FGD3: variants seen among roughly 807,000 people sequenced by gnomAD.
FGD3 encodes the protein FYVE, RhoGEF and PH domain containing 3.
In FGD3, 45 loss-of-function variants were observed where a neutral mutation model predicts 71.8. That is an observed-to-expected ratio of 0.63 (90% CI 0.49 to 0.80). The LOEUF is 0.80. Ranked by LOEUF, FGD3 falls within the 30% of genes least tolerant of loss-of-function variation. The pLI is 0.00. For missense variants in FGD3, 844 were observed against 951.5 expected (o/e 0.89, Z 1.49); for synonymous variants, 378 against 392.8 (o/e 0.96, Z 0.44).
intron 10 of FGD3, among the ~76,000 whole-genome samples, chr9:93,016,080 G>T (rs763556543): frequency 2.6e-5 from 4 of 152,172 alleles, no homozygotes; most frequent in Non-Finnish European, 5.9e-5. Flanking sequence ...CCTTTCTGCA[G>T]AGCCTTGGAG....
intron 11 of FGD3, among the ~76,000 whole-genome samples, chr9:93,019,173 T>C (rs369132178): frequency 4.4e-4 from 67 of 152,320 alleles, no homozygotes; most frequent in African/African-American, 1.6e-3. Flanking sequence ...TCTATGCACA[T>C]GCACATATAT....
chr9:93,028,646 A>G (rs1325396229), intron 14 of FGD3, among the ~76,000 whole-genome samples: 1 of 152,212 alleles, frequency 6.6e-6, no homozygotes, highest in Admixed American at 6.5e-5. Flanking sequence ...GGAAACGGTA[A>G]TTAGCAACTT....
chr9:92,982,813 C>T (rs369888618), intron 3 of FGD3, among the ~76,000 whole-genome samples: 125 of 152,238 alleles, frequency 8.2e-4, no homozygotes, highest in African/African-American at 2.7e-3. Flanking sequence ...TGGCCAGGGA[C>T]GGTGGCTCAT....
intron 3 of FGD3, among the ~76,000 whole-genome samples, chr9:92,999,237 T>C (rs1231429925): frequency 6.6e-6 from 1 of 152,182 alleles, no homozygotes; most frequent in African/African-American, 2.4e-5. Flanking sequence ...GTGCAAGCAG[T>C]GAGCAAGGCT....
intron 1 of FGD3, among the ~76,000 whole-genome samples, chr9:92,948,767 T>C (rs1215369391): frequency 1.3e-5 from 2 of 152,234 alleles, no homozygotes; most frequent in Non-Finnish European, 2.9e-5. Flanking sequence ...CTGGCCACTG[T>C]CCATAGCTCT....
chr9:92,991,117 C>G (rs1860393099), intron 3 of FGD3, among the ~76,000 whole-genome samples: 1 of 152,068 alleles, frequency 6.6e-6, no homozygotes, highest in Non-Finnish European at 1.5e-5. Flanking sequence ...CTCACCCTGT[C>G]ACCCAGGCTG....
chr9:92,970,998 C>T (rs766392036), intron 1 of FGD3, among the ~76,000 whole-genome samples: 2 of 152,174 alleles, frequency 1.3e-5, no homozygotes, highest in African/African-American at 2.4e-5. Flanking sequence ...TTTAAAACAA[C>T]GCATACTCTG....
chr9:92,971,729 C>T (rs934158760), intron 1 of FGD3, among the ~76,000 whole-genome samples: 18 of 151,570 alleles, frequency 1.2e-4, no homozygotes, highest in Non-Finnish European at 7.4e-5. Context: ...GAGCCCACCA[C>T]CACACCTGGC....
rs530265062 is a variant in FGD3, at chr9:93,022,621, G to C, written c.1557+232G>C. On this transcript the variant is annotated intron_variant, in intron 14 of 17. Coordinates refer to ENST00000375482, the MANE Select transcript of FGD3 (RefSeq NM_001083536.2). Reference sequence around the variant, plus strand: ...TTGTGTGGTCACTGCAGGGGACTCTGTAAGGTGGGCACGCAGAGGCCTGTC... The same window carrying C: ...TTGTGTGGTCACTGCAGGGGACTCTCTAAGGTGGGCACGCAGAGGCCTGTC... 2.6e-5 allele frequency among the ~76,000 whole-genome samples: 4 copies of C among 152,264 alleles called. No homozygotes were observed. In the East Asian group the frequency reaches 7.7e-4, roughly 29 times the overall value.
intron 14 of FGD3, among the ~76,000 whole-genome samples, chr9:93,026,393 C>G (rs943293619): frequency 2.0e-5 from 3 of 152,230 alleles, no homozygotes; most frequent in Non-Finnish European, 1.5e-5. Flanking sequence ...TGTGCATGGC[C>G]GAGAGAGCAT....
Position 93,014,041 on chromosome 9 carries a change from C to A in FGD3, c.1182+43C>A, listed in dbSNP as rs550343913. The A allele has an allele frequency of 5.1e-6, 8 of 1,571,674 alleles. No individual in the cohort carries two copies. In the South Asian group the frequency reaches 9.4e-5, roughly 18 times the overall value. On this transcript the variant is annotated intron_variant, in intron 9 of 17. Transcript: ENST00000375482. ...CAGCCCAGCCGCAGAGCCTCCCTTG[C>A]CATTTGCCTCAAGCCCAGGGCAGTG...
chr9:92,952,765 C>T (rs1450736376), intron 1 of FGD3, among the ~76,000 whole-genome samples: 1 of 151,636 alleles, frequency 6.6e-6, no homozygotes, highest in African/African-American at 2.4e-5. Flanking sequence ...CTCCTTCCTT[C>T]ATTCTTTCCC....
intron 1 of FGD3, among the ~76,000 whole-genome samples, chr9:92,954,981 T>C (rs1045035089): frequency 2.6e-5 from 4 of 152,256 alleles, no homozygotes; most frequent in Admixed American, 2.6e-4. Flanking sequence ...GTGATGGCGA[T>C]ATGGTGTCTA....
chr9:93,024,928 C>T (rs28715500), intron 14 of FGD3, among the ~76,000 whole-genome samples: 26,274 of 152,272 alleles, frequency 0.17, 2,304 homozygotes, highest in Non-Finnish European at 0.18. Flanking sequence ...GCAAATGCCG[C>T]CTCTTGAGCC....
At chr9:93,002,826 C>A (rs964717353) in intron 3 of FGD3, 99 bp from the exon 4 acceptor site, 2 of 1,201,378 alleles carry the variant, frequency 1.7e-6, no homozygotes, top group Admixed American at 1.8e-5. Flanking sequence ...CCTGCCACCC[C>A]TGTGGCCCCT....
chr9:93,019,178 A>T (rs940147730), intron 11 of FGD3, among the ~76,000 whole-genome samples: 23 of 152,284 alleles, frequency 1.5e-4, no homozygotes, highest in African/African-American at 4.8e-4. Flanking sequence ...GCACATGCAC[A>T]TATATCTATG....
chr9:93,033,915 C>T (rs1297283799), intron 16 of FGD3: 1 of 152,324 alleles, frequency 6.6e-6, no homozygotes, highest in African/African-American at 2.4e-5. Flanking sequence ...TGAAGAAGGA[C>T]CTTGCACTGC....
At chr9:92,987,879 C>T (rs1163479419) in intron 3 of FGD3, among the ~76,000 whole-genome samples, 2 of 152,202 alleles carry the variant, frequency 1.3e-5, no homozygotes, top group East Asian at 1.9e-4. Flanking sequence ...TGCATGAGTC[C>T]ATTTATCCAA....
rs1476854957 is a variant in FGD3 at position 93,002,997 on chromosome 9, C to G, written c.526C>G (p.Leu176Val). Residue 176 changes from leucine (L) to valine (V), a missense_variant, in exon 4 of 18, where the codon CTG becomes GTG. Coordinates refer to ENST00000375482, the MANE Select transcript of FGD3 (RefSeq NM_001083536.2). ...LHTEETYVKR[L>V]HLLDQVFCTR... is the part of the protein sequence containing the mutation. ...CACCGAGGAGACCTATGTGAAGCGG[C>G]TGCACCTGCTGGACCAGGTAGCCCA... The G allele has an allele frequency of 6.2e-7, 1 of 1,614,070 alleles. No homozygotes were observed. The highest frequency in any genetic ancestry group is 8.5e-7 in the Non-Finnish European group (1 of 1,180,042).
Sources: allele counts gnomAD v4.1 joint callset (sites outside exome capture counted in the v4.1 genomes callset), GRCh38; gene constraint gnomAD v4.1.1; transcripts MANE v1.5; gene names NCBI Gene and HGNC (gene_info 2026-07-23, HGNC 2026-07-21).